Variants in HDX observed in about 807,000 individuals in gnomAD.
The protein encoded by HDX is chromosome X open reading frame 43.
A neutral mutation model predicts 45.2 loss-of-function variants in HDX; 19 were observed. The ratio of observed to expected loss-of-function variants is 0.42; its 90% CI spans 0.29 to 0.62. HDX has a LOEUF of 0.62. HDX is among the 20% of genes least tolerant of loss of function. The pLI, the probability that HDX is intolerant of heterozygous loss-of-function variation, is 0.20. For synonymous variants in HDX, 188 were observed against 172.8 expected, an observed-to-expected ratio of 1.09 and a Z score of -0.69; for missense variants, 532 against 493.9, an observed-to-expected ratio of 1.08 and a Z score of -0.73.
chrX:84,469,715 G>GCCACT, intron 3 of HDX, 140 bp from the exon 4 acceptor site: 1 of 492,738 alleles, frequency 2.0e-6, no homozygotes. Context: ...TAAAATAACA[G>GCCACT]AAAAACTGAC....
chrX:84,332,953 G>A (rs2036876037), intron 9 of HDX, among the ~76,000 whole-genome samples: 1 of 111,533 alleles, frequency 9.0e-6, no homozygotes, highest in African/African-American at 3.3e-5. Flanking sequence ...AAAGATTTTT[G>A]AGGAAATGAC....
chrX:84,420,744 A>G (rs1293460194), intron 5 of HDX, among the ~76,000 whole-genome samples: 3 of 110,787 alleles, frequency 2.7e-5, no homozygotes, highest in African/African-American at 1.0e-4. Flanking sequence ...AAGAGCGGCA[A>G]GAGAAGAGAA....
At chrX:84,329,788 T>C (rs1057062378) in intron 9 of HDX, among the ~76,000 whole-genome samples, 1 of 111,916 alleles carries the variant, frequency 8.9e-6, no homozygotes, top group Admixed American at 9.6e-5. Flanking sequence ...CATCATTCCC[T>C]TATTTCCCAG....
At chrX:84,482,572 GC>G (rs2040709047) in intron 2 of HDX, among the ~76,000 whole-genome samples, 1 of 111,373 alleles carries the variant, frequency 9.0e-6, no homozygotes, top group African/African-American at 3.3e-5. Context: ...GGAGAAACTA[GC>G]CCCATGAGTC....
intron 5 of HDX, among the ~76,000 whole-genome samples, chrX:84,375,084 G>C (rs777592257): frequency 1.9e-5 from 2 of 103,191 alleles, no homozygotes; most frequent in Non-Finnish European, 3.9e-5. Flanking sequence ...AGTGGGCAAA[G>C]GATATGAACA....
At chrX:84,468,033 C>T (rs1164019172) in intron 4 of HDX, among the ~76,000 whole-genome samples, 2 of 110,972 alleles carry the variant, frequency 1.8e-5, no homozygotes, top group Non-Finnish European at 1.9e-5. Context: ...GCCATCAGCA[C>T]CTAAAGAAAT....
chrX:84,403,328 A>G (rs751497319), intron 5 of HDX, among the ~76,000 whole-genome samples: 1 of 111,621 alleles, frequency 9.0e-6, no homozygotes, highest in Non-Finnish European at 1.9e-5. Flanking sequence ...GTAATAGTAA[A>G]CAAAGCTAAA....
At chrX:84,347,509 A>G (rs2037234629) in intron 6 of HDX, among the ~76,000 whole-genome samples, 1 of 111,299 alleles carries the variant, frequency 9.0e-6, no homozygotes, top group Non-Finnish European at 1.9e-5. Flanking sequence ...GTACTGTTCA[A>G]TGTACTTTTA....
chrX:84,383,966 G>T (rs1330556410), intron 5 of HDX, among the ~76,000 whole-genome samples: 1 of 110,487 alleles, frequency 9.1e-6, no homozygotes, highest in Non-Finnish European at 1.9e-5. Flanking sequence ...AGACATTTAG[G>T]TGGATTCTAC....
chrX:84,331,148 C>G (rs992583573), intron 9 of HDX, among the ~76,000 whole-genome samples: 2 of 111,392 alleles, frequency 1.8e-5, no homozygotes, highest in African/African-American at 3.3e-5. Flanking sequence ...GATGCAGTTA[C>G]TCTTGCCTCA....
At chrX:84,420,917 C>G (rs1483403540) in intron 5 of HDX, among the ~76,000 whole-genome samples, 1 of 111,934 alleles carries the variant, frequency 8.9e-6, no homozygotes, top group Admixed American at 9.5e-5. Context: ...AATAGTATCT[C>G]TAGTTAAAAT....
intron 2 of HDX, among the ~76,000 whole-genome samples, chrX:84,475,853 G>A (rs1211932401): frequency 9.0e-6 from 1 of 111,151 alleles, no homozygotes; most frequent in African/African-American, 3.3e-5. Flanking sequence ...GGAACAAAAG[G>A]GTGCGTTTAT....
intron 5 of HDX, among the ~76,000 whole-genome samples, chrX:84,375,509 G>A (rs1289697750): frequency 1.8e-5 from 2 of 111,917 alleles, no homozygotes. Flanking sequence ...TGTCCAAAAC[G>A]ATAGACTGGA....
intron 5 of HDX, among the ~76,000 whole-genome samples, chrX:84,401,978 G>T (rs2038717362): frequency 8.9e-6 from 1 of 111,786 alleles, no homozygotes; most frequent in African/African-American, 3.3e-5. Context: ...TCACTCCTAA[G>T]TGAGAGTTGA....
At chrX:84,494,768 A>T (rs1231442892) in intron 1 of HDX, among the ~76,000 whole-genome samples, 1 of 112,028 alleles carries the variant, frequency 8.9e-6, no homozygotes, top group Non-Finnish European at 1.9e-5. Context: ...TATGGAAAAC[A>T]GTATAGAGGT....
At chrX:84,449,908 G>C (rs1196637981) in intron 4 of HDX, among the ~76,000 whole-genome samples, 1 of 110,184 alleles carries the variant, frequency 9.1e-6, no homozygotes, top group Non-Finnish European at 1.9e-5. Context: ...ATTGAACAAT[G>C]AGAACACATG....
chrX:84,462,645 T>C (rs935755639), intron 4 of HDX, among the ~76,000 whole-genome samples: 4 of 111,259 alleles, frequency 3.6e-5, no homozygotes, highest in African/African-American at 1.3e-4. Context: ...GTCAGAACAT[T>C]CATCATCATA....
chrX:84,346,745 A>G (rs1366345833), intron 6 of HDX, among the ~76,000 whole-genome samples: 2 of 112,087 alleles, frequency 1.8e-5, no homozygotes, highest in East Asian at 5.6e-4. Context: ...CTCAAAATGC[A>G]TCATAGATTT....
intron 4 of HDX, among the ~76,000 whole-genome samples, chrX:84,454,905 G>T (rs1268090051): frequency 1.8e-5 from 2 of 110,441 alleles, no homozygotes; most frequent in Non-Finnish European, 3.8e-5. Flanking sequence ...AAAAGTAAGG[G>T]AAGAGAACAA....
Sources: allele counts gnomAD v4.1 joint callset (sites outside exome capture counted in the v4.1 genomes callset), GRCh38; gene constraint gnomAD v4.1.1; transcripts MANE v1.5; gene names NCBI Gene and HGNC (gene_info 2026-07-23, HGNC 2026-07-21).